RBFOX1: variants seen among roughly 807,000 people sequenced by gnomAD.
RBFOX1 encodes RNA binding fox-1 homolog 1.
In RBFOX1, 8 loss-of-function variants were observed where a neutral mutation model predicts 57.7. The ratio of observed to expected loss-of-function variants is 0.14; its 90% confidence interval spans 0.08 to 0.25. The LOEUF (loss-of-function observed/expected upper bound fraction) is 0.25, where lower values mean the gene tolerates loss of function less well. RBFOX1 is among the 10% of genes least tolerant of loss of function. The probability of loss-of-function intolerance (pLI) is 1.00; values close to 1 mark genes in which losing one functional copy is unlikely to be tolerated. For missense variants in RBFOX1, 611 were observed against 548.5 expected, an observed-to-expected ratio of 1.11 and a Z score of -1.14; for synonymous variants, 326 against 222.4, an observed-to-expected ratio of 1.47 and a Z score of -4.15.
chr16:7,457,493 C>G (rs549335667), intron 4 of RBFOX1, among the ~76,000 whole-genome samples: 2 of 152,188 alleles, frequency 1.3e-5, no homozygotes, highest in African/African-American at 4.8e-5. Context: ...TTGCATTCTT[C>G]TATCTTCTTT....
In RBFOX1 at chr16:5,648,784, C is replaced by A. The variant is rs182055271; in HGVS notation, c.318+49823C>A. The stretch of plus-strand genomic sequence containing the variant: ...CATATTTTAAAAATCACATTTTAGG[C>A]CAGGCACACTGGCTCATGCCTGTAA... On this transcript the variant is annotated intron_variant, in intron 3 of 19. Transcript: ENST00000641259. Among the ~76,000 whole-genome samples the A allele has an allele frequency of 3.9e-3, 595 of 152,270 alleles. 5 individuals are homozygous for A. The highest frequency in any genetic ancestry group is 0.014 in the African/African-American group (563 of 41,548).
At chr16:6,435,292 G>A (rs1358084942) in intron 2 of RBFOX1, among the ~76,000 whole-genome samples, 2 of 121,748 alleles carry the variant, frequency 1.6e-5, no homozygotes, top group African/African-American at 7.3e-5. Context: ...TGTTATTGTT[G>A]TTGTTTTTTG....
chr16:5,454,273 A>T (rs1462394338), intron 1 of RBFOX1, among the ~76,000 whole-genome samples: 2 of 152,222 alleles, frequency 1.3e-5, no homozygotes, highest in African/African-American at 4.8e-5. Flanking sequence ...GAGATATTCC[A>T]GTGTTGCATT....
chr16:6,610,664 G>A (rs142970915), intron 2 of RBFOX1, among the ~76,000 whole-genome samples: 6 of 152,268 alleles, frequency 3.9e-5, no homozygotes, highest in Non-Finnish European at 8.8e-5. Flanking sequence ...ATTAACTCAG[G>A]TGAGCTTCAT....
chr16:5,723,299 G>C (rs1272268886), intron 3 of RBFOX1, among the ~76,000 whole-genome samples: 10 of 152,222 alleles, frequency 6.6e-5, no homozygotes, highest in Non-Finnish European at 1.5e-4. Flanking sequence ...TCTGCCATTG[G>C]AGAAGCTTGG....
At chr16:7,053,886 T>TG (rs1273687525) in intron 4 of RBFOX1, among the ~76,000 whole-genome samples, 2 of 152,180 alleles carry the variant, frequency 1.3e-5, no homozygotes, top group African/African-American at 4.8e-5. Context: ...ATTTATGTTT[T>TG]GAATTGATAG....
chr16:7,453,675 G>T (rs2057871130), intron 4 of RBFOX1, among the ~76,000 whole-genome samples: 1 of 152,110 alleles, frequency 6.6e-6, no homozygotes, highest in African/African-American at 2.4e-5. Flanking sequence ...GCCAAGCACT[G>T]GTCAAGGTAC....
intron 2 of RBFOX1, among the ~76,000 whole-genome samples, chr16:6,404,168 A>G (rs2093187989): frequency 6.6e-6 from 1 of 152,110 alleles, no homozygotes; most frequent in Non-Finnish European, 1.5e-5. Context: ...ACATGAGCAG[A>G]TTTTTTCTTG....
intron 4 of RBFOX1, among the ~76,000 whole-genome samples, chr16:7,235,628 T>G (rs1168134291): frequency 2.0e-5 from 3 of 152,222 alleles, no homozygotes; most frequent in Non-Finnish European, 2.9e-5. Context: ...TGGGATGAAT[T>G]AGCCTTTTGT....
intron 2 of RBFOX1, among the ~76,000 whole-genome samples, chr16:5,483,816 C>T (rs1474830336): frequency 6.6e-6 from 1 of 152,116 alleles, no homozygotes; most frequent in African/African-American, 2.4e-5. Context: ...TCTGTGTCGG[C>T]ATTTGTGCAA....
At chr16:7,531,780 A>G (rs1233073087) in intron 5 of RBFOX1, among the ~76,000 whole-genome samples, 1 of 152,194 alleles carries the variant, frequency 6.6e-6, no homozygotes, top group Non-Finnish European at 1.5e-5. Flanking sequence ...ATTCCCTGCT[A>G]ACTATTTCAA....
chr16:5,603,722 A>C (rs1212192546), downstream of RBFOX1, among the ~76,000 whole-genome samples: 1 of 152,184 alleles, frequency 6.6e-6, no homozygotes, highest in African/African-American at 2.4e-5. Flanking sequence ...TGAATGAAAC[A>C]TACCTGTCTT....
chr16:7,248,426 A>G (rs2094391444), intron 4 of RBFOX1, among the ~76,000 whole-genome samples: 1 of 152,160 alleles, frequency 6.6e-6, no homozygotes, highest in East Asian at 1.9e-4. Flanking sequence ...GTCCCTTCAT[A>G]TCTTTCCAGT....
intron 4 of RBFOX1, among the ~76,000 whole-genome samples, chr16:7,138,727 G>T (rs2152075013): frequency 6.6e-6 from 1 of 152,274 alleles, no homozygotes; most frequent in African/African-American, 2.4e-5. Context: ...CATTTCTGCA[G>T]GCCGTATGCT....
chr16:7,504,750 TATATTTATATATATATATATTTA>T (rs1567554387), intron 4 of RBFOX1, among the ~76,000 whole-genome samples: 115 of 6,594 alleles, frequency 0.017, 13 homozygotes, highest in African/African-American at 0.029. Context: ...TATATATATA[TATATTTATATATATATATATTTA>T]TATATATATA....
intron 4 of RBFOX1, among the ~76,000 whole-genome samples, chr16:7,299,135 A>G (rs1313687201): frequency 2.6e-5 from 4 of 152,164 alleles, no homozygotes; most frequent in African/African-American, 9.7e-5. Flanking sequence ...CATCTCCAGG[A>G]CTGTACCAGT....
At chr16:6,030,816 A>T (rs1044035324) in intron 1 of RBFOX1, among the ~76,000 whole-genome samples, 7 of 152,174 alleles carry the variant, frequency 4.6e-5, no homozygotes, top group African/African-American at 1.7e-4. Context: ...TATTTATGCT[A>T]TATAAATTCA....
intron 1 of RBFOX1, among the ~76,000 whole-genome samples, chr16:5,323,353 G>A (rs116172504): frequency 2.6e-5 from 4 of 152,116 alleles, no homozygotes; most frequent in African/African-American, 9.7e-5. Context: ...GGCTGGTCAT[G>A]ATGACCCAAC....
At chr16:6,739,711 T>A (rs1452731764) in intron 3 of RBFOX1, among the ~76,000 whole-genome samples, 3 of 152,042 alleles carry the variant, frequency 2.0e-5, no homozygotes, top group Non-Finnish European at 2.9e-5. Context: ...ACCCCATCTC[T>A]ACTAAAAATA....
Sources: gnomAD v4.1 joint callset for allele counts (sites outside exome capture counted in the v4.1 genomes callset) on GRCh38, gnomAD v4.1.1 for gene constraint, MANE v1.5 for transcripts, NCBI Gene and HGNC (gene_info 2026-07-23, HGNC 2026-07-21) for gene names.